Variants in CAMTA1 observed in about 807,000 individuals in gnomAD.
CAMTA1 encodes calmodulin-binding transcription activator 1.
A neutral mutation model predicts 170.9 loss-of-function variants in CAMTA1; 27 were observed. The ratio of observed to expected loss-of-function variants is 0.16; its 90% confidence interval spans 0.12 to 0.22. The LOEUF (loss-of-function observed/expected upper bound fraction) is 0.22, where lower values mean the gene tolerates loss of function less well. Ranked by LOEUF, CAMTA1 falls within the 10% of genes least tolerant of loss-of-function variation. The pLI, the probability that CAMTA1 is intolerant of heterozygous loss-of-function variation, is 1.00. For missense variants in CAMTA1, 1,619 were observed against 2,217.2 expected (o/e 0.73, Z 5.42); for synonymous variants, 833 against 891.5 (o/e 0.93, Z 1.17).
intron 9 of CAMTA1, among the ~76,000 whole-genome samples, chr1:7,666,599 C>G (rs1167011250): frequency 3.9e-5 from 6 of 152,358 alleles, no homozygotes. Context: ...GACCTCTACC[C>G]AGCCCATCTG....
chr1:7,759,973 C>T (rs527313437), intron 22 of CAMTA1, among the ~76,000 whole-genome samples: 1 of 152,254 alleles, frequency 6.6e-6, no homozygotes, highest in East Asian at 1.9e-4. Flanking sequence ...CCTCCTTTCC[C>T]GATACGAGAC....
At chr1:7,086,377 C>T (rs1640743921) in intron 3 of CAMTA1, among the ~76,000 whole-genome samples, 2 of 152,066 alleles carry the variant, frequency 1.3e-5, no homozygotes, top group African/African-American at 4.8e-5. Flanking sequence ...GAATTTCCTT[C>T]CCCCTAATGC....
chr1:7,127,247 CTTTTTTTTTT>C lies in CAMTA1; in HGVS notation c.302+35890_302+35899del, dbSNP rs61211407. Reference sequence around the variant, plus strand: ...AGGGGTGAAGGGAAGGCCAGAGGGGCTTTTTTTTTTTTTTTTTTTTTTTGCTAGCCGGAAG... The same window carrying C: ...AGGGGTGAAGGGAAGGCCAGAGGGGCTTTTTTTTTTTTTGCTAGCCGGAAG... On this transcript the variant is annotated intron_variant, in intron 4 of 22. Transcript: ENST00000303635. Among the ~76,000 whole-genome samples the C allele has an allele frequency of 4.6e-3, 339 of 73,508 alleles. 2 individuals are homozygous for C. The highest frequency in any genetic ancestry group is 0.018 in the African/African-American group (326 of 17,764). The allele number at this position is 73,508 out of a possible 152,430, so 48.2% of individuals were successfully genotyped here.
At chr1:7,076,520 TA>T (rs967918883) in intron 3 of CAMTA1, among the ~76,000 whole-genome samples, 3 of 152,182 alleles carry the variant, frequency 2.0e-5, no homozygotes, top group African/African-American at 4.8e-5. Flanking sequence ...TTCTTTCTAA[TA>T]AAATCTGAGG....
intron 6 of CAMTA1, among the ~76,000 whole-genome samples, chr1:7,615,021 C>T (rs1436799126): frequency 6.6e-6 from 1 of 152,250 alleles, no homozygotes; most frequent in African/African-American, 2.4e-5. Flanking sequence ...ACAAAGAGAC[C>T]CTTTTTCTCT....
chr1:7,134,981 A>T (rs1171368812), intron 4 of CAMTA1, among the ~76,000 whole-genome samples: 1 of 152,208 alleles, frequency 6.6e-6, no homozygotes, highest in East Asian at 1.9e-4. Context: ...AAGAAAACAT[A>T]CAAGTGGCCA....
At chr1:6,907,752 G>A (rs1181003597) in intron 3 of CAMTA1, among the ~76,000 whole-genome samples, 1 of 152,160 alleles carries the variant, frequency 6.6e-6, no homozygotes, top group Non-Finnish European at 1.5e-5. Flanking sequence ...AGTAGCGTGG[G>A]CATGTGCCCC....
chr1:7,539,216 C>T lies in CAMTA1; in HGVS notation c.510+71315C>T, dbSNP rs1292790741. Among the ~76,000 whole-genome samples the T allele has an allele frequency of 3.9e-5, 6 of 152,246 alleles. No homozygotes were observed. In the East Asian group the frequency reaches 1.2e-3, roughly 29 times the overall value. On this transcript the variant is annotated intron_variant, in intron 6 of 22. Transcript: ENST00000303635. ...GACCTGACCTCCTGGCCCTAAATCC[C>T]CACATGGCTGCAACAGGCAGGACTG...
chr1:7,706,317 T>A (rs530194675), intron 11 of CAMTA1, among the ~76,000 whole-genome samples: 6 of 152,228 alleles, frequency 3.9e-5, no homozygotes, highest in Non-Finnish European at 7.3e-5. Flanking sequence ...TTATATTTTT[T>A]CCACCAGTGA....
At chr1:7,016,222 G>A (rs1024257057) in intron 3 of CAMTA1, among the ~76,000 whole-genome samples, 6 of 152,174 alleles carry the variant, frequency 3.9e-5, no homozygotes, top group African/African-American at 1.2e-4. Context: ...CGTGAGAGCC[G>A]TCTGAGTTGG....
At chr1:6,922,694 C>A (rs556723491) in intron 3 of CAMTA1, among the ~76,000 whole-genome samples, 1 of 152,242 alleles carries the variant, frequency 6.6e-6, no homozygotes, top group Non-Finnish European at 1.5e-5. Flanking sequence ...CTATTAGTTA[C>A]AAGTGAGCCA....
intron 5 of CAMTA1, among the ~76,000 whole-genome samples, chr1:7,256,552 C>T (rs1241561799): frequency 1.3e-5 from 2 of 152,076 alleles, no homozygotes; most frequent in African/African-American, 2.4e-5. Flanking sequence ...AGCGAGACTC[C>T]GTCTCAAAAA....
intron 5 of CAMTA1, among the ~76,000 whole-genome samples, chr1:7,379,462 G>A (rs1180283756): frequency 1.3e-5 from 2 of 152,202 alleles, no homozygotes; most frequent in East Asian, 1.9e-4. Context: ...CATTTCCTTC[G>A]GGAAGTTTCT....
intron 4 of CAMTA1, among the ~76,000 whole-genome samples, chr1:7,247,406 C>T (rs1211308591): frequency 1.3e-5 from 2 of 152,174 alleles, no homozygotes; most frequent in African/African-American, 2.4e-5. Flanking sequence ...GAGTACCCTG[C>T]TGAGGTTATT....
intron 6 of CAMTA1, among the ~76,000 whole-genome samples, chr1:7,525,678 G>A (rs1374881453): frequency 6.6e-6 from 1 of 152,010 alleles, no homozygotes; most frequent in African/African-American, 2.4e-5. Flanking sequence ...AAGAGATACG[G>A]GGTGATTTCA....
chr1:7,090,298 G>A (rs1216559209), intron 3 of CAMTA1, among the ~76,000 whole-genome samples: 1 of 152,224 alleles, frequency 6.6e-6, no homozygotes, highest in Non-Finnish European at 1.5e-5. Flanking sequence ...AGCTGAAAGA[G>A]GCTGCTCGCC....
At chr1:6,892,956 G>T (rs1411726170) in intron 3 of CAMTA1, among the ~76,000 whole-genome samples, 1 of 151,856 alleles carries the variant, frequency 6.6e-6, no homozygotes, top group Non-Finnish European at 1.5e-5. Context: ...CAGAAATAAA[G>T]AAACAGCCTC....
At chr1:7,202,742 T>G (rs1464252651) in intron 4 of CAMTA1, among the ~76,000 whole-genome samples, 1 of 152,230 alleles carries the variant, frequency 6.6e-6, no homozygotes, top group African/African-American at 2.4e-5. Context: ...ACCTGCAACC[T>G]TGCTGAATTT....
intron 6 of CAMTA1, among the ~76,000 whole-genome samples, chr1:7,481,082 C>A (rs2093525106): frequency 6.6e-6 from 1 of 152,220 alleles, no homozygotes; most frequent in African/African-American, 2.4e-5. Flanking sequence ...CCTGAACCCA[C>A]CTCCTTCTCT....
Sources: gnomAD v4.1 joint callset for allele counts (sites outside exome capture counted in the v4.1 genomes callset) on GRCh38, gnomAD v4.1.1 for gene constraint, MANE v1.5 for transcripts, NCBI Gene and HGNC (gene_info 2026-07-23, HGNC 2026-07-21) for gene names.